ATP2B4: variants seen among roughly 807,000 people sequenced by gnomAD.
ATP2B4 encodes the protein plasma membrane calcium-transporting ATPase 4.
A neutral mutation model predicts 110.3 loss-of-function variants in ATP2B4; 39 were observed. The observed-to-expected ratio is 0.35, with a 90% CI of 0.27 to 0.46. ATP2B4 has a LOEUF of 0.46. Among genes scored for constraint, ATP2B4 ranks in the 20% least tolerant of loss-of-function variants. ATP2B4 has a pLI of 1.00. For synonymous variants in ATP2B4, 538 were observed against 571.7 expected, an observed-to-expected ratio of 0.94 and a Z score of 0.84; for missense variants, 1,135 against 1,530.9, an observed-to-expected ratio of 0.74 and a Z score of 4.32.
chr1:203,729,670 C>T, intron 20 of ATP2B4: 1 of 1,258,952 alleles, frequency 7.9e-7, no homozygotes. Context: ...GCTGCCTCAC[C>T]TATCCAGGGC....
chr1:203,736,723 C>A (rs901591827), intron 20 of ATP2B4, among the ~76,000 whole-genome samples: 1 of 152,184 alleles, frequency 6.6e-6, no homozygotes. Flanking sequence ...GCTTTCCCTG[C>A]ACCTTCTTCA....
intron 20 of ATP2B4, among the ~76,000 whole-genome samples, chr1:203,728,626 G>T (rs1666594126): frequency 6.6e-6 from 1 of 152,196 alleles, no homozygotes; most frequent in Non-Finnish European, 1.5e-5. Context: ...GGGAGGCCAA[G>T]GTGGGTGGAT....
chr1:203,699,356 CTT>C (rs1665623567), intron 3 of ATP2B4, 102 bp from the exon 4 acceptor site: 3 of 1,486,536 alleles, frequency 2.0e-6, no homozygotes, highest in Non-Finnish European at 2.7e-6. Flanking sequence ...CTATTATTCA[CTT>C]TTCCTGACTT....
At chr1:203,671,613 C>G (rs1469016672) in intron 1 of ATP2B4, among the ~76,000 whole-genome samples, 2 of 152,172 alleles carry the variant, frequency 1.3e-5, no homozygotes, top group African/African-American at 2.4e-5. Flanking sequence ...CGGCCAAAAA[C>G]CTTTCCCACG....
intron 2 of ATP2B4, among the ~76,000 whole-genome samples, chr1:203,683,666 C>CTTTTTTTTTTT (rs11326748): frequency 3.7e-3 from 289 of 77,516 alleles, no homozygotes; most frequent in East Asian, 4.7e-3. Context: ...TCTTTTGTTT[C>CTTTTTTTTTTT]TTTTTTTTTT....
chr1:203,722,728 T>G, intron 18 of ATP2B4, 39 bp downstream of exon 18: 2 of 1,600,332 alleles, frequency 1.2e-6, no homozygotes, highest in Admixed American at 1.7e-5. Flanking sequence ...AGATCTGGAA[T>G]GATAAAGGGC....
intron 1 of ATP2B4, among the ~76,000 whole-genome samples, chr1:203,653,250 A>C (rs920782681): frequency 6.6e-6 from 1 of 152,218 alleles, no homozygotes; most frequent in African/African-American, 2.4e-5. Flanking sequence ...CAATGTTGTG[A>C]AGGTTGACAG....
At chr1:203,673,759 G>A (rs1558027244) in intron 1 of ATP2B4, among the ~76,000 whole-genome samples, 1 of 152,144 alleles carries the variant, frequency 6.6e-6, no homozygotes, top group Non-Finnish European at 1.5e-5. Context: ...GCTGCCCCTG[G>A]TGCTCCCTTT....
intron 19 of ATP2B4, among the ~76,000 whole-genome samples, chr1:203,726,483 G>A (rs112719259): frequency 2.8e-4 from 42 of 151,456 alleles, no homozygotes; most frequent in Middle Eastern, 3.4e-3. Flanking sequence ...GGTAAAGCTT[G>A]GTTGTTAAAC....
At chr1:203,713,448 G>GT (rs779704853) in intron 14 of ATP2B4, among the ~76,000 whole-genome samples, 196 bp downstream of exon 14, 3 of 151,820 alleles carry the variant, frequency 2.0e-5, no homozygotes, top group African/African-American at 7.3e-5. Context: ...AAGTTGTTGG[G>GT]TTTTTATTTT....
At chr1:203,636,539 G>T (rs779025832) in intron 1 of ATP2B4, among the ~76,000 whole-genome samples, 3 of 152,266 alleles carry the variant, frequency 2.0e-5, no homozygotes, top group East Asian at 3.9e-4. Flanking sequence ...CTGAAAGAGC[G>T]GGAGCCAGGA....
intron 1 of ATP2B4, 63 bp downstream of exon 1, chr1:203,627,282 A>G (rs1257546450): frequency 2.0e-5 from 3 of 152,216 alleles, no homozygotes; most frequent in Admixed American, 6.5e-5. Flanking sequence ...TTTTCTCTCA[A>G]TGGCTTCTAA....
Position 203,710,955 on chromosome 1 carries a change from C to T in ATP2B4, c.1878C>T (p.Val626=). The change falls in exon 12 of 21, where the codon GTC becomes GTT. Residue 626 remains valine (V), a synonymous_variant. Coordinates refer to ENST00000357681, the MANE Select transcript of ATP2B4 (RefSeq NM_001684.5). ...ACAGAGATGATATGGTACGCACTGT[C>T]ATCGAGCCCATGGCCTGTGATGGAC... is the stretch of plus-strand genomic sequence containing the variant. ...NKDRDDMVRT[V]IEPMACDGLR... 6.2e-7 allele frequency: 1 copy of T among 1,614,104 alleles called. No homozygotes were observed. The highest frequency in any genetic ancestry group is 8.5e-7 in the Non-Finnish European group (1 of 1,179,996).
rs568105880 is a variant in ATP2B4 at position 203,736,597 on chromosome 1, T to G, written c.3310-2949T>G. On this transcript the variant is annotated intron_variant, in intron 20 of 20. Transcript: ENST00000357681. Reference sequence around the variant, plus strand: ...TCCTGAGTCATGAAAAGAGTTGCCCTTCAACCAGCCACTTCCACCTGTAGG... The same window carrying G: ...TCCTGAGTCATGAAAAGAGTTGCCCGTCAACCAGCCACTTCCACCTGTAGG... Among the ~76,000 whole-genome samples the G allele has an allele frequency of 4.4e-3, 677 of 152,236 alleles. 4 individuals are homozygous for G. The highest frequency in any genetic ancestry group is 5.3e-3 in the Non-Finnish European group (363 of 68,020).
At chr1:203,715,043 C>T (rs1666120774) in intron 15 of ATP2B4, among the ~76,000 whole-genome samples, 1 of 152,092 alleles carries the variant, frequency 6.6e-6, no homozygotes, top group African/African-American at 2.4e-5. Flanking sequence ...CAGTGATTCC[C>T]CCCCATTTAC....
intron 20 of ATP2B4, chr1:203,729,805 G>T: frequency 7.7e-7 from 1 of 1,304,126 alleles, no homozygotes; most frequent in Non-Finnish European, 1.0e-6. Flanking sequence ...ACCAGAAGGT[G>T]CTTTACAGTG....
intron 1 of ATP2B4, among the ~76,000 whole-genome samples, chr1:203,635,787 G>A (rs1374399453): frequency 2.0e-5 from 3 of 152,190 alleles, no homozygotes; most frequent in Non-Finnish European, 4.4e-5. Context: ...TAGATTCCTG[G>A]TTTCTTCTCA....
chr1:203,737,068 C>T (rs1320926124), intron 20 of ATP2B4, among the ~76,000 whole-genome samples: 1 of 152,138 alleles, frequency 6.6e-6, no homozygotes, highest in African/African-American at 2.4e-5. Context: ...AAGACATTTC[C>T]CATATTTTTT....
chr1:203,686,206 T>C (rs1034566192), intron 2 of ATP2B4, among the ~76,000 whole-genome samples: 17 of 152,226 alleles, frequency 1.1e-4, no homozygotes, highest in African/African-American at 3.6e-4. Context: ...ACTGAGATTA[T>C]GCAGTACTTT....
Sources: gnomAD v4.1 joint callset for allele counts (sites outside exome capture counted in the v4.1 genomes callset) on GRCh38, gnomAD v4.1.1 for gene constraint, MANE v1.5 for transcripts, NCBI Gene and HGNC (gene_info 2026-07-23, HGNC 2026-07-21) for gene names.